Variants in PEAK1 observed in about 807,000 individuals in gnomAD.
PEAK1 encodes the protein inactive tyrosine-protein kinase PEAK1.
A neutral mutation model predicts 124.7 loss-of-function variants in PEAK1; 54 were observed. The ratio of observed to expected loss-of-function variants is 0.43; its 90% CI spans 0.35 to 0.54. The LOEUF (loss-of-function observed/expected upper bound fraction) is 0.54. Among genes scored for constraint, PEAK1 ranks in the 20% least tolerant of loss-of-function variants. The pLI is 0.01. For synonymous variants in PEAK1, 719 were observed against 760.0 expected (o/e 0.95, Z 0.89); for missense variants, 2,046 against 2,134.5 (o/e 0.96, Z 0.82).
intron 6 of PEAK1, among the ~76,000 whole-genome samples, chr15:77,223,142 T>C (rs192553130): frequency 1.1e-4 from 16 of 152,196 alleles, no homozygotes; most frequent in South Asian, 2.1e-4. Flanking sequence ...AATTAGCCTA[T>C]AGCCAACAAA....
At chr15:77,297,499 T>C (rs931922354) in intron 2 of PEAK1, among the ~76,000 whole-genome samples, 3 of 151,638 alleles carry the variant, frequency 2.0e-5, no homozygotes, top group South Asian at 2.1e-4. Context: ...CAGATGAAAA[T>C]ATTTCTCATG....
intron 2 of PEAK1, among the ~76,000 whole-genome samples, chr15:77,323,552 A>G (rs1445059727): frequency 6.6e-6 from 1 of 152,174 alleles, no homozygotes; most frequent in African/African-American, 2.4e-5. Flanking sequence ...AAGAGAATAA[A>G]ATACCTAGGA....
Position 77,403,737 on chromosome 15 carries a change from G to A in PEAK1, c.-666+16269C>T, listed in dbSNP as rs1344691083. 7.3e-6 allele frequency: 7 copies of A among 956,932 alleles called. No homozygotes were observed. In the Admixed American group the frequency reaches 4.3e-4, roughly 59 times the overall value. The allele number at this position is 956,932 out of a possible 1,614,324, so 59.3% of individuals were successfully genotyped here. On this transcript the variant is annotated intron_variant, in intron 1 of 9. Transcript: ENST00000682557. ...GGGCAGGATTATCTCCATCTTACAG[G>A]AACAAAATAAAGCGTAAGATGTTAA...
intron 1 of PEAK1, among the ~76,000 whole-genome samples, chr15:77,369,689 T>C (rs192014432): frequency 1.3e-3 from 189 of 149,194 alleles, no homozygotes; most frequent in African/African-American, 4.8e-3. Context: ...AATTCATAAA[T>C]GGATGAAACA....
At chr15:77,411,324 ACTC>A (rs1276824084) in intron 1 of PEAK1, among the ~76,000 whole-genome samples, 2 of 152,086 alleles carry the variant, frequency 1.3e-5, no homozygotes, top group South Asian at 2.1e-4. Flanking sequence ...CAGCAGAAAC[ACTC>A]CTCATCAGTT....
intron 2 of PEAK1, chr15:77,350,710 A>G: frequency 1.0e-6 from 1 of 985,380 alleles, no homozygotes; most frequent in Non-Finnish European, 1.2e-6. Context: ...AGCTCTAAAC[A>G]AGCCACAGAA....
intron 1 of PEAK1, among the ~76,000 whole-genome samples, chr15:77,378,305 T>C (rs954838187): frequency 2.6e-5 from 4 of 151,812 alleles, no homozygotes; most frequent in African/African-American, 9.7e-5. Flanking sequence ...GCATCTCATT[T>C]CTTTAGTAAA....
intron 1 of PEAK1, among the ~76,000 whole-genome samples, chr15:77,365,827 T>G (rs1645014845): frequency 6.6e-6 from 1 of 151,912 alleles, no homozygotes; most frequent in South Asian, 2.1e-4. Flanking sequence ...AACTCAATTC[T>G]TCAAAAGAAA....
chr15:77,286,286 A>G, intron 3 of PEAK1, 137 bp downstream of exon 3: 1 of 414,686 alleles, frequency 2.4e-6, no homozygotes, highest in East Asian at 3.6e-5. Context: ...AGCATGTCTT[A>G]TTCACCTTTA....
intron 6 of PEAK1, among the ~76,000 whole-genome samples, chr15:77,209,602 T>C (rs529624766): frequency 1.3e-5 from 2 of 152,304 alleles, no homozygotes; most frequent in South Asian, 4.1e-4. Context: ...TCTGGCAAAG[T>C]CACAAATTCC....
chr15:77,173,650 G>A (rs1250664946), intron 7 of PEAK1, among the ~76,000 whole-genome samples: 1 of 151,992 alleles, frequency 6.6e-6, no homozygotes, highest in East Asian at 1.9e-4. Context: ...GGTTATCATC[G>A]TTCTATTCTT....
intron 2 of PEAK1, chr15:77,348,983 A>G: frequency 3.2e-6 from 3 of 940,948 alleles, no homozygotes; most frequent in Non-Finnish European, 3.8e-6. Flanking sequence ...TCTTACTTAT[A>G]ATTTAACTAA....
At chr15:77,420,142 A>G (rs2073264329), upstream of PEAK1, 1 of 148,578 alleles carries the variant, frequency 6.7e-6, no homozygotes, top group Non-Finnish European at 1.5e-5. Context: ...GGCCGAGTCC[A>G]CCGCGCGCTC....
intron 1 of PEAK1, chr15:77,402,104 C>T (rs1361309255): frequency 2.3e-6 from 2 of 874,882 alleles, no homozygotes; most frequent in East Asian, 1.3e-4. Flanking sequence ...GTGGCTGAGA[C>T]GGGATAATTG....
chr15:77,131,445 A>C (rs1016025957), intron 9 of PEAK1, among the ~76,000 whole-genome samples: 2 of 152,226 alleles, frequency 1.3e-5, no homozygotes, highest in Non-Finnish European at 2.9e-5. Context: ...GTGAGCCAAG[A>C]TCGTGCCACT....
At chr15:77,395,247 A>G (rs2070786131) in intron 1 of PEAK1, among the ~76,000 whole-genome samples, 1 of 152,160 alleles carries the variant, frequency 6.6e-6, no homozygotes, top group South Asian at 2.1e-4. Context: ...AAAATACACA[A>G]TCAGAGGAGA....
At chr15:77,347,150 G>T in intron 2 of PEAK1, 2 of 882,324 alleles carry the variant, frequency 2.3e-6, no homozygotes, top group South Asian at 5.2e-5. Flanking sequence ...ACAAAAGAAG[G>T]CCAGTGTAGC....
chr15:77,226,633 G>A (rs1220994718), intron 6 of PEAK1, among the ~76,000 whole-genome samples: 1 of 152,058 alleles, frequency 6.6e-6, no homozygotes, highest in African/African-American at 2.4e-5. Flanking sequence ...TCTGTCTCAC[G>A]AAAAGATAGC....
intron 2 of PEAK1, among the ~76,000 whole-genome samples, chr15:77,288,019 C>T (rs192716826): frequency 1.6e-3 from 242 of 152,214 alleles, no homozygotes; most frequent in African/African-American, 5.7e-3. Context: ...AACTCATCTC[C>T]CCATCTCTAA....
Sources: gnomAD v4.1 joint callset for allele counts (sites outside exome capture counted in the v4.1 genomes callset) on GRCh38, gnomAD v4.1.1 for gene constraint, MANE v1.5 for transcripts, NCBI Gene and HGNC (gene_info 2026-07-23, HGNC 2026-07-21) for gene names.